The following CILP2 variants were observed in gnomAD, a reference collection of about 807,000 sequenced individuals.
CILP2 encodes CILP-2.
A neutral mutation model predicts 45.6 loss-of-function variants in CILP2; 38 were observed. The observed-to-expected ratio is 0.83, with a 90% CI of 0.64 to 1.09. The LOEUF is 1.09. CILP2 is among the 50% of genes least tolerant of loss of function. The probability of loss-of-function intolerance (pLI) is 0.00; values close to 1 mark genes in which losing one functional copy is unlikely to be tolerated. For synonymous variants in CILP2, 780 were observed against 723.5 expected, an observed-to-expected ratio of 1.08 and a Z score of -1.25; for missense variants, 1,735 against 1,662.2, an observed-to-expected ratio of 1.04 and a Z score of -0.76.
intron 1 of CILP2, among the ~76,000 whole-genome samples, chr19:19,539,264 G>GT (rs904080592): frequency 2.0e-5 from 3 of 152,054 alleles, no homozygotes; most frequent in African/African-American, 7.2e-5. Flanking sequence ...TTTCCCTCCT[G>GT]TTAAAATGGG....
rs772881607 is a variant in CILP2 at position 19,542,608 on chromosome 19, A to C, written c.826A>C (p.Asn276His). 16 of 1,613,990 alleles carry C rather than the reference A, an allele frequency of 9.9e-6. No homozygotes were observed. Among genetic ancestry groups the C allele is most frequent in the Middle Eastern group, 3.3e-4 (2 of 6,042 alleles). Residue 276 changes from asparagine (N) to histidine (H), a missense_variant, in exon 5 of 8, where the codon AAC becomes CAC. By Grantham distance (68) the Asn-to-His change is moderately conservative. Transcript: ENST00000291495. ...TGCAGGGGAGGCCCAGGCCCAGGCC[A>C]ACGGATCCATCTCTGTGGTCACCAT... ...FSAGEAQAQA[N>H]GSISVVTIIL...
chr19:19,542,811 T>TC, intron 5 of CILP2, 53 bp from the exon 6 acceptor site: 2 of 1,564,676 alleles, frequency 1.3e-6, no homozygotes, highest in Non-Finnish European at 1.8e-6. Flanking sequence ...GGGACGTTGC[T>TC]CCTAGGAAGG....
rs773970978 is a variant in CILP2 at position 19,545,794 on chromosome 19, T to C, written c.3249T>C (p.Gly1083=). 2.5e-6 allele frequency: 4 copies of C among 1,598,754 alleles called. No homozygotes were observed. Among genetic ancestry groups the C allele is most frequent in the Admixed American group, 3.4e-5 (2 of 58,340 alleles). ...KEIAIGRCFD[G]SSDGFSREMK... ...TCGCCATTGGCCGCTGCTTTGATGGTTCCTCTGACGGCTTCTCCAGAGAGA... is the reference window on the plus strand; with the variant it reads ...TCGCCATTGGCCGCTGCTTTGATGGCTCCTCTGACGGCTTCTCCAGAGAGA... Residue 1083 remains glycine (G), a synonymous_variant, in exon 8 of 8, where the codon GGT becomes GGC. Coordinates refer to ENST00000291495, the MANE Select transcript of CILP2 (RefSeq NM_153221.2).
intron 6 of CILP2, 106 bp downstream of exon 6, chr19:19,543,078 C>A (rs770542351): frequency 9.1e-6 from 9 of 991,022 alleles, no homozygotes; most frequent in Non-Finnish European, 1.4e-5. Flanking sequence ...AAAGCGTTAA[C>A]GGGGAATGAA....
Position 19,544,609 on chromosome 19 carries a change from C to G in CILP2, c.2064C>G (p.Thr688=), listed in dbSNP as rs752945813. 5.7e-6 allele frequency: 9 copies of G among 1,577,090 alleles called. No homozygotes were observed. The highest frequency in any genetic ancestry group is 2.6e-6 in the Non-Finnish European group (3 of 1,167,720). The stretch of plus-strand genomic sequence containing the variant: ...AGCTGTGGTCGCTGAACCCCGAGAC[C>G]GGCTTGTGGGAGGAGGAGAGCGGCT... ...ALKLWSLNPE[T]GLWEEESGFR... Residue 688 remains threonine (T), a synonymous_variant, in exon 8 of 8, where the codon ACC becomes ACG. Transcript: ENST00000291495.
At position 19,546,593 on chromosome 19, in the gene CILP2, C is replaced by G. The variant is rs2061266256; in HGVS notation, c.*577C>G. On this transcript the variant is annotated 3_prime_UTR_variant, in exon 8 of 8. Transcript: ENST00000291495. ...GGGAACAATTCTCACGTGTTTGGTG[C>G]TTAGAGACCTGCCCGGGGCGTTGGG... is the stretch of plus-strand genomic sequence containing the variant. 1 of 152,682 alleles carries G rather than the reference C, an allele frequency of 6.5e-6. No individual in the cohort carries two copies. The highest frequency in any genetic ancestry group is 1.5e-5 in the Non-Finnish European group (1 of 68,110). 9.5% of individuals were successfully genotyped at this position (152,682 alleles called of 1,614,324 possible). A position where few individuals can be genotyped will look rare whatever the true frequency, so the allele number is the denominator to read the frequency against.
Position 19,544,205 on chromosome 19 carries a change from A to T in CILP2, c.1660A>T (p.Met554Leu). The change falls in exon 8 of 8, where the codon ATG becomes TTG. Residue 554 changes from methionine to leucine, a missense_variant. Physicochemically the swap from Met to Leu is conservative, Grantham distance 15. Transcript: ENST00000291495. ...CGGCGTGTACCACGAGGTCAAGGCC[A>T]TGCGGAAGAAAGCCCCGGTCATTTT... Reference protein sequence around the residue: ...GAGVYHEVKAMRKKAPVILHT... With the variant: ...GAGVYHEVKALRKKAPVILHT... The T allele has an allele frequency of 6.2e-7, 1 of 1,613,956 alleles. No individual in the cohort carries two copies. Among genetic ancestry groups the T allele is most frequent in the African/African-American group, 1.3e-5 (1 of 75,060 alleles).
At position 19,546,299 on chromosome 19, in the gene CILP2, C is replaced by T. The variant is rs1168486217; in HGVS notation, c.*283C>T. 1 of 314,424 alleles carries T rather than the reference C, an allele frequency of 3.2e-6. No homozygotes were observed. Among genetic ancestry groups the T allele is most frequent in the African/African-American group, 2.1e-5 (1 of 46,756 alleles). The allele number at this position is 314,424 out of a possible 1,614,324, so 19.5% of individuals were successfully genotyped here. A position where few individuals can be genotyped will look rare whatever the true frequency, so the allele number is the denominator to read the frequency against. ...AGCCTGAAGGGACCCGCTCCCAGCT[C>T]AGAAGCCGTCTCTGACTTCTCGTGC... is the stretch of plus-strand genomic sequence containing the variant. On this transcript the variant is annotated 3_prime_UTR_variant, in exon 8 of 8. Coordinates refer to ENST00000291495, the MANE Select transcript of CILP2 (RefSeq NM_153221.2).
rs374195393 is a variant in CILP2 at position 19,541,116 on chromosome 19, G to T, written c.462G>T (p.Pro154=). The T allele has an allele frequency of 6.8e-5, 86 of 1,261,732 alleles. No individual in the cohort carries two copies. The highest frequency in any genetic ancestry group is 8.4e-5 in the Non-Finnish European group (84 of 1,003,418). 78.2% of individuals were successfully genotyped at this position (1,261,732 alleles called of 1,614,324 possible). A position where few individuals can be genotyped will look rare whatever the true frequency, so the allele number is the denominator to read the frequency against. The change falls in exon 4 of 8, where the codon CCG becomes CCT. Residue 154 remains proline (P), a synonymous_variant. Transcript: ENST00000291495. ...AAGCCTCGTGGGGCGCGTGGGGCCC[G>T]TGGGGTCCCTGCTCGGGGAGCTGTG... The part of the protein sequence containing the change: ...PLEASWGAWG[P]WGPCSGSCGP...
In CILP2 at chr19:19,543,389, C is replaced by A; in HGVS notation, c.1119C>A (p.Ala373=). 6.2e-7 allele frequency: 1 copy of A among 1,613,278 alleles called. No individual in the cohort carries two copies. The highest frequency in any genetic ancestry group is 2.2e-5 in the East Asian group (1 of 44,880). The change falls in exon 7 of 8, where the codon GCC becomes GCA. Residue 373 remains alanine, a synonymous_variant. Transcript: ENST00000291495. Reference sequence around the variant, plus strand: ...CGGGTGCCGTGCGCTCGGGCACTGCCCGGCTCACTGTACTTGGTGAGTGTC... The same window carrying A: ...CGGGTGCCGTGCGCTCGGGCACTGCACGGCTCACTGTACTTGGTGAGTGTC... ...NEAGAVRSGT[A]RLTVLAPGQP...
chr19:19,543,199 A>G (rs1194728516), intron 6 of CILP2, 49 bp from the exon 7 acceptor site: 1 of 1,579,990 alleles, frequency 6.3e-7, no homozygotes, highest in Admixed American at 1.7e-5. Context: ...ACTGGGGGCA[A>G]CACAGCCCCT....
rs761186656 is a variant in CILP2 at position 19,546,125 on chromosome 19, CT to C, written c.*112del. The C allele has an allele frequency of 2.0e-4, 173 of 871,272 alleles. No individual in the cohort carries two copies. The highest frequency in any genetic ancestry group is 2.4e-4 in the Non-Finnish European group (152 of 622,444). 54.0% of individuals were successfully genotyped at this position (871,272 alleles called of 1,614,324 possible). A position where few individuals can be genotyped will look rare whatever the true frequency, so the allele number is the denominator to read the frequency against. On this transcript the variant is annotated 3_prime_UTR_variant, in exon 8 of 8. Coordinates refer to ENST00000291495, the MANE Select transcript of CILP2 (RefSeq NM_153221.2). ...CCCCCTCCCCAGGTGTCTGGGTCCCCTTTCCCGCCCCTTTCCAGAACTCAGA... is the reference window on the plus strand; with the variant it reads ...CCCCCTCCCCAGGTGTCTGGGTCCCCTTCCCGCCCCTTTCCAGAACTCAGA...
rs747547566 is a variant in CILP2, at chr19:19,540,281, C to T, written c.241C>T (p.Arg81Cys). ...DGDFESLAAIRFYYGPARVCP... is the reference protein window; with the variant it reads ...DGDFESLAAICFYYGPARVCP... The stretch of plus-strand genomic sequence containing the variant: ...CGACTTCGAGAGCCTGGCTGCCATC[C>T]GCTTCTACTACGGGCCAGCGCGCGT... The change falls in exon 3 of 8, where the codon CGC becomes TGC. Residue 81 changes from arginine to cysteine, a missense_variant. Arg to Cys is a radical substitution (Grantham distance 180). Coordinates refer to ENST00000291495, the MANE Select transcript of CILP2 (RefSeq NM_153221.2). 8.1e-6 allele frequency: 13 copies of T among 1,599,530 alleles called. No homozygotes were observed. Among genetic ancestry groups the T allele is most frequent in the Non-Finnish European group, 1.1e-5 (13 of 1,176,182 alleles).
chr19:19,543,377 C>T lies in CILP2; in HGVS notation c.1107C>T (p.Arg369=), dbSNP rs749483136. Residue 369 remains arginine, a synonymous_variant, in exon 7 of 8, where the codon CGC becomes CGT. Coordinates refer to ENST00000291495, the MANE Select transcript of CILP2 (RefSeq NM_153221.2). ...CKAWNEAGAV[R]SGTARLTVLA... is the part of the protein sequence containing the mutation. ...CATGGAATGAGGCGGGTGCCGTGCG[C>T]TCGGGCACTGCCCGGCTCACTGTAC... is the stretch of plus-strand genomic sequence containing the variant. 3.7e-6 allele frequency: 6 copies of T among 1,613,248 alleles called. No individual in the cohort carries two copies. Among genetic ancestry groups the T allele is most frequent in the Non-Finnish European group, 5.1e-6 (6 of 1,180,010 alleles).
rs1210550236 is a variant in CILP2, at chr19:19,545,938, G to A, written c.3393G>A (p.Arg1131=). 6.4e-7 allele frequency: 1 copy of A among 1,571,900 alleles called. No homozygotes were observed. Among genetic ancestry groups the A allele is most frequent in the Non-Finnish European group, 8.7e-7 (1 of 1,153,538 alleles). The stretch of plus-strand genomic sequence containing the variant: ...CGACAGCACTTGGTGACATCCGCAG[G>A]GAGATGAGCGAGGCGGCGCAGGCAC... ...SPATALGDIR[R]EMSEAAQAQA... The change falls in exon 8 of 8, where the codon AGG becomes AGA. Residue 1131 remains arginine (R), a synonymous_variant. Coordinates refer to ENST00000291495, the MANE Select transcript of CILP2 (RefSeq NM_153221.2).
chr19:19,542,071 A>G (rs553468205), intron 4 of CILP2, among the ~76,000 whole-genome samples: 15 of 152,040 alleles, frequency 9.9e-5, no homozygotes, highest in Non-Finnish European at 1.6e-4. Context: ...CTGTCCAGAC[A>G]TTTTCTCTTC....
At chr19:19,539,569 A>G in intron 1 of CILP2, 110 bp from the exon 2 acceptor site, 2 of 686,538 alleles carry the variant, frequency 2.9e-6, no homozygotes, top group Non-Finnish European at 4.5e-6. Flanking sequence ...GTCTCAAAAA[A>G]AAAAAAAAAA....
intron 4 of CILP2, 136 bp downstream of exon 4, chr19:19,541,382 C>A: frequency 1.2e-6 from 1 of 825,400 alleles, no homozygotes; most frequent in Non-Finnish European, 1.6e-6. Flanking sequence ...CTGAGCGATG[C>A]CTAGAGGGGA....
Position 19,545,886 on chromosome 19 carries a change from T to G in CILP2, c.3341T>G (p.Leu1114Arg). Residue 1114 changes from leucine (L) to arginine (R), a missense_variant, in exon 8 of 8, where the codon CTC (leucine) becomes CGC (arginine). Leu to Arg is a moderately radical substitution (Grantham distance 102, BLOSUM62 -2). Coordinates refer to ENST00000291495, the MANE Select transcript of CILP2 (RefSeq NM_153221.2). ...GAGCCACCGGCCGGACGACCCAGCC[T>G]CTTCCAGAGGCTGCTGGAGTCCCCG... ...CREPPAGRPS[L>R]FQRLLESPAT... 3 of 1,587,262 alleles carry G rather than the reference T, an allele frequency of 1.9e-6. No homozygotes were observed. The highest frequency in any genetic ancestry group is 2.6e-6 in the Non-Finnish European group (3 of 1,161,338).
Sources: allele counts gnomAD v4.1 joint callset (sites outside exome capture counted in the v4.1 genomes callset), GRCh38; gene constraint gnomAD v4.1.1; transcripts MANE v1.5; gene names NCBI Gene and HGNC (gene_info 2026-07-23, HGNC 2026-07-21).